Variants in AKAP14 observed in about 807,000 individuals in gnomAD.
AKAP14 encodes A-kinase anchor protein 14.
In AKAP14, 4 loss-of-function variants were observed where a neutral mutation model predicts 17.0. The ratio of observed to expected loss-of-function variants is 0.23; its 90% CI spans 0.12 to 0.54. The LOEUF is 0.54. Among genes scored for constraint, AKAP14 ranks in the 20% least tolerant of loss-of-function variants. The pLI is 0.95. For synonymous variants in AKAP14, 42 were observed against 51.3 expected (o/e 0.82, Z 0.77); for missense variants, 129 against 150.9 (o/e 0.85, Z 0.76).
rs184222033 is a variant in AKAP14, at chrX:119,903,406, T to C, written c.169+14T>C. On this transcript the variant is annotated intron_variant, in intron 3 of 6. Transcript: ENST00000371431. ...AGATTGTGGAAGGTAGTGATCCTGTTTGTTTGGATGCCTAAATAATTGTCT... is the reference window on the plus strand; with the variant it reads ...AGATTGTGGAAGGTAGTGATCCTGTCTGTTTGGATGCCTAAATAATTGTCT... The C allele has an allele frequency of 2.1e-4, 256 of 1,209,692 alleles. No homozygotes were observed. The highest frequency in any genetic ancestry group is 2.7e-4 in the Non-Finnish European group (246 of 894,783).
At chrX:119,896,564 C>T (rs1222318898) in intron 2 of AKAP14, among the ~76,000 whole-genome samples, 4 of 110,180 alleles carry the variant, frequency 3.6e-5, no homozygotes, top group Admixed American at 9.7e-5. Context: ...GGCCCACAGA[C>T]GTGTGAGGGT....
At chrX:119,911,429 G>A (rs1055312525) in intron 4 of AKAP14, among the ~76,000 whole-genome samples, 1 of 110,768 alleles carries the variant, frequency 9.0e-6, no homozygotes. Context: ...TGTACTATGC[G>A]GGGATGTCTC....
intron 4 of AKAP14, among the ~76,000 whole-genome samples, chrX:119,911,844 C>T (rs1195489190): frequency 6.6e-5 from 7 of 106,817 alleles, no homozygotes; most frequent in African/African-American, 2.4e-4. Context: ...GATTACACCA[C>T]GCCTGGCCAT....
In AKAP14 at chrX:119,914,790, A is replaced by G. The variant is rs2056647778; in HGVS notation, c.353A>G (p.His118Arg). The G allele has an allele frequency of 8.3e-7, 1 of 1,209,756 alleles. No individual in the cohort carries two copies. Among genetic ancestry groups the G allele is most frequent in the African/African-American group, 1.7e-5 (1 of 57,843 alleles). ...AGCTTCCTCTACATCTACTATGTACACTGGAGTATCTCAACTGCTGACCTA... is the reference window on the plus strand; with the variant it reads ...AGCTTCCTCTACATCTACTATGTACGCTGGAGTATCTCAACTGCTGACCTA... ...IHSFLYIYYV[H>R]WSISTADLPV... The change falls in exon 5 of 7, where the codon CAC becomes CGC. Residue 118 changes from histidine to arginine, a missense_variant. Transcript: ENST00000371431.
At chrX:119,897,402 G>A (rs1039631035) in intron 2 of AKAP14, among the ~76,000 whole-genome samples, 11 of 105,060 alleles carry the variant, frequency 1.0e-4, no homozygotes, top group East Asian at 3.1e-4. Context: ...CTCGTGATCC[G>A]CCCGCCTTGG....
At chrX:119,901,017 T>A (rs2056562583) in intron 2 of AKAP14, among the ~76,000 whole-genome samples, 1 of 112,159 alleles carries the variant, frequency 8.9e-6, no homozygotes, top group African/African-American at 3.2e-5. Context: ...GTAACACAAA[T>A]TTTCACATTG....
rs765107118 is a variant in AKAP14 at position 119,896,805 on chromosome X, C to CTTTTTTT, written c.-11+539_-11+545dup. Reference sequence around the variant, plus strand: ...CAAATGGGCAATTTTCTTTTCTTTTCTTTTTTTCTTTTTTTTTTTTTTTGA... The same window carrying CTTTTTTT: ...CAAATGGGCAATTTTCTTTTCTTTTCTTTTTTTTTTTTTTCTTTTTTTTTTTTTTTGA... On this transcript the variant is annotated intron_variant, in intron 2 of 6. Transcript: ENST00000371431. Among the ~76,000 whole-genome samples, 14 of 70,761 alleles carry CTTTTTTT rather than the reference C, an allele frequency of 2.0e-4. 1 individual carries two copies. Among genetic ancestry groups the CTTTTTTT allele is most frequent in the Non-Finnish European group, 2.3e-4 (9 of 39,217 alleles). 61.4% of individuals were successfully genotyped at this position (70,761 alleles called of 115,157 possible). A position where few individuals can be genotyped will look rare whatever the true frequency, so the allele number is the denominator to read the frequency against.
intron 2 of AKAP14, among the ~76,000 whole-genome samples, chrX:119,897,030 G>A (rs2056532519): frequency 1.8e-5 from 2 of 110,155 alleles, no homozygotes; most frequent in African/African-American, 6.6e-5. Context: ...GGCTGGTTTC[G>A]AACTCCTGAC....
chrX:119,916,238 C>G (rs2056656008), intron 5 of AKAP14, among the ~76,000 whole-genome samples: 1 of 109,693 alleles, frequency 9.1e-6, no homozygotes, highest in Non-Finnish European at 1.9e-5. Flanking sequence ...GTGGTACAAT[C>G]AGAGCTCACT....
chrX:119,896,434 G>A (rs1199768271), intron 2 of AKAP14, among the ~76,000 whole-genome samples, 167 bp downstream of exon 2: 4 of 94,078 alleles, frequency 4.3e-5, no homozygotes, highest in African/African-American at 1.6e-4. Flanking sequence ...GGGAGGGGAG[G>A]GGAGGACAAG....
intron 2 of AKAP14, among the ~76,000 whole-genome samples, chrX:119,899,465 TC>T (rs1476608320): frequency 3.6e-5 from 4 of 110,885 alleles, no homozygotes; most frequent in Admixed American, 9.7e-5. Context: ...AAGGTGCAGC[TC>T]CCCGGGGCTA....
chrX:119,908,571 C>T (rs2056611108), intron 4 of AKAP14, among the ~76,000 whole-genome samples: 1 of 111,672 alleles, frequency 9.0e-6, no homozygotes, highest in African/African-American at 3.2e-5. Flanking sequence ...TTTCTATTAC[C>T]CCAAAGGTCA....
intron 2 of AKAP14, among the ~76,000 whole-genome samples, chrX:119,897,713 T>G (rs1444233476): frequency 9.0e-6 from 1 of 111,644 alleles, no homozygotes; most frequent in African/African-American, 3.3e-5. Context: ...CTGGAAATGC[T>G]CTGTGTGCTC....
chrX:119,919,275 C>T (rs2056675139), intron 5 of AKAP14, among the ~76,000 whole-genome samples: 3 of 112,071 alleles, frequency 2.7e-5, no homozygotes, highest in Admixed American at 9.6e-5. Context: ...ATTTTCATGC[C>T]ATTCCTATGA....
intron 2 of AKAP14, among the ~76,000 whole-genome samples, chrX:119,900,689 A>G (rs2056560383): frequency 9.0e-6 from 1 of 111,160 alleles, no homozygotes; most frequent in African/African-American, 3.3e-5. Context: ...GGCACACATC[A>G]CCATACCTGG....
At chrX:119,903,849 CT>C (rs2056582657) in intron 4 of AKAP14, among the ~76,000 whole-genome samples, 1 of 112,072 alleles carries the variant, frequency 8.9e-6, no homozygotes, top group South Asian at 3.7e-4. Context: ...GCTCTTCCTA[CT>C]TAAGCAATTT....
rs780918018 is a variant in AKAP14, at chrX:119,903,210, C to T, written c.-10-4C>T. ...GGCACACAGTAACTTCTTTTTTTCC[C>T]CAGGAAAAAGAAAATGAGTGAGACT... On this transcript the variant is annotated splice_region_variant and splice_polypyrimidine_tract_variant and intron_variant, in intron 2 of 6. Coordinates refer to ENST00000371431, the MANE Select transcript of AKAP14 (RefSeq NM_178813.6). The T allele has an allele frequency of 2.5e-6, 3 of 1,202,930 alleles. No homozygotes were observed. Among genetic ancestry groups the T allele is most frequent in the Non-Finnish European group, 2.2e-6 (2 of 892,426 alleles).
At chrX:119,902,165 G>C (rs1162572507) in intron 2 of AKAP14, among the ~76,000 whole-genome samples, 1 of 106,752 alleles carries the variant, frequency 9.4e-6, no homozygotes, top group South Asian at 4.2e-4. Flanking sequence ...TGCCTCCTGG[G>C]TCCCGGTTCA....
intron 2 of AKAP14, among the ~76,000 whole-genome samples, chrX:119,899,022 C>T (rs1003433751): frequency 4.6e-5 from 5 of 108,042 alleles, no homozygotes; most frequent in African/African-American, 1.7e-4. Flanking sequence ...CAAAAATTAG[C>T]TGGGCGTGGT....
Sources: gnomAD v4.1 joint callset for allele counts (sites outside exome capture counted in the v4.1 genomes callset) on GRCh38, gnomAD v4.1.1 for gene constraint, MANE v1.5 for transcripts, NCBI Gene and HGNC (gene_info 2026-07-23, HGNC 2026-07-21) for gene names.